The following MRPL34 variants were observed in gnomAD, a reference collection of about 807,000 sequenced individuals.
The protein encoded by MRPL34 is large ribosomal subunit protein bL34m.
A neutral mutation model predicts 6.7 loss-of-function variants in MRPL34; 8 were observed. That is an observed-to-expected ratio of 1.20 (90% CI 0.70 to 2.16). The LOEUF is 2.16. MRPL34 is among the 30% of genes most tolerant of loss of function. The pLI, the probability that MRPL34 is intolerant of heterozygous loss-of-function variation, is 0.00. For synonymous variants in MRPL34, 59 were observed against 55.1 expected (o/e 1.07, Z -0.31); for missense variants, 146 against 125.5 (o/e 1.16, Z -0.78).
upstream of MRPL34, among the ~76,000 whole-genome samples, chr19:17,300,056 C>A (rs537607218): frequency 6.6e-6 from 1 of 151,708 alleles, no homozygotes; most frequent in Non-Finnish European, 1.5e-5. Flanking sequence ...AGGTGCCCAC[C>A]ACCACACCCA....
chr19:17,301,062 G>A (rs138354638), upstream of MRPL34: 65 of 1,613,532 alleles, frequency 4.0e-5, no homozygotes, highest in African/African-American at 7.6e-4. Context: ...CCAGGGAACC[G>A]CCGACACCAT....
intron 1 of MRPL34, among the ~76,000 whole-genome samples, chr19:17,293,344 G>A (rs148142522): frequency 1.6e-3 from 239 of 151,950 alleles, no homozygotes; most frequent in African/African-American, 5.6e-3. Context: ...CGATCTGCCC[G>A]CCTCGGTCTC....
At chr19:17,302,536 G>A (rs1159402120), upstream of MRPL34, among the ~76,000 whole-genome samples, 1 of 152,208 alleles carries the variant, frequency 6.6e-6, no homozygotes, top group African/African-American at 2.4e-5. Context: ...GGCCCTAGGA[G>A]AGGGGGATGG....
At chr19:17,296,601 G>A (rs1337013473) in intron 1 of MRPL34, 1 of 152,096 alleles carries the variant, frequency 6.6e-6, no homozygotes, top group Non-Finnish European at 1.5e-5. Flanking sequence ...CAAAAGCAGG[G>A]GTCAACAAAC....
In MRPL34 at chr19:17,306,168, G is replaced by T; in HGVS notation, c.68G>T (p.Trp23Leu). The change falls in exon 2 of 2, where the codon TGG (tryptophan) becomes TTG (leucine). Residue 23 changes from tryptophan to leucine, a missense_variant and splice_region_variant. Transcript: ENST00000252602. ...SRSAALLGGR[W>L]LQPRAWLGFP... ...TCGCCGTCCCTCTACCCACGCAGGTGGCTCCAGCCCCGGGCCTGGCTGGGG... is the reference window on the plus strand; with the variant it reads ...TCGCCGTCCCTCTACCCACGCAGGTTGCTCCAGCCCCGGGCCTGGCTGGGG... The T allele has an allele frequency of 1.3e-6, 2 of 1,522,230 alleles. No homozygotes were observed. Among genetic ancestry groups the T allele is most frequent in the South Asian group, 1.2e-5 (1 of 80,846 alleles). 94.3% of individuals were successfully genotyped at this position (1,522,230 alleles called of 1,614,324 possible).
At chr19:17,304,481 CTACAGG>C (rs1057319239), upstream of MRPL34, among the ~76,000 whole-genome samples, 34 of 152,332 alleles carry the variant, frequency 2.2e-4, no homozygotes, top group African/African-American at 7.5e-4. Context: ...CTAAACGATG[CTACAGG>C]TAGGATGGGC....
At position 17,295,048 on chromosome 19, in the gene MRPL34, C is replaced by T. The variant is rs145227385; in HGVS notation, c.214+2194C>T. Reference sequence around the variant, plus strand: ...AAGCGATTCTCCTGCCTCAGTCTCCCGAGTAGCTGAGATTGCAGGCGCACA... The same window carrying T: ...AAGCGATTCTCCTGCCTCAGTCTCCTGAGTAGCTGAGATTGCAGGCGCACA... On this transcript the variant is annotated intron_variant, in intron 1 of 2. Coordinates refer to the MRPL34 transcript ENST00000595444. 5.3e-3 allele frequency among the ~76,000 whole-genome samples: 794 copies of T among 150,486 alleles called. 6 individuals carry two copies. Among genetic ancestry groups the T allele is most frequent in the African/African-American group, 0.018 (732 of 40,774 alleles).
chr19:17,301,024 A>T, upstream of MRPL34: 1 of 1,613,486 alleles, frequency 6.2e-7, no homozygotes, highest in Non-Finnish European at 8.5e-7. Flanking sequence ...TAGGCGCACA[A>T]AGAAGTCCAG....
upstream of MRPL34, chr19:17,305,626 T>C (rs1010970215): frequency 1.9e-6 from 1 of 522,616 alleles, no homozygotes; most frequent in Non-Finnish European, 3.5e-6. Flanking sequence ...CCGCGGGAGA[T>C]AATGCCTTGT....
chr19:17,305,200 A>T (rs1174527920), upstream of MRPL34, among the ~76,000 whole-genome samples: 1 of 146,574 alleles, frequency 6.8e-6, no homozygotes, highest in Non-Finnish European at 1.5e-5. Flanking sequence ...GTGTGTGAGT[A>T]GGGGAGGGGT....
chr19:17,301,094 C>T (rs778529369), upstream of MRPL34: 18 of 1,613,424 alleles, frequency 1.1e-5, no homozygotes, highest in Non-Finnish European at 1.4e-5. Context: ...AGCACCACGT[C>T]GGCCTGGGCG....
At chr19:17,303,194 A>C (rs985450668), upstream of MRPL34, 4 of 152,332 alleles carry the variant, frequency 2.6e-5, no homozygotes, top group Middle Eastern at 3.4e-3. Context: ...TCCGAAGTGG[A>C]GGCCCCGGGG....
intron 1 of MRPL34, chr19:17,294,923 G>C: frequency 6.5e-6 from 10 of 1,529,758 alleles, no homozygotes; most frequent in Non-Finnish European, 8.9e-6. Context: ...ATTTTGTTTT[G>C]CTTTGTTTTT....
upstream of MRPL34, among the ~76,000 whole-genome samples, chr19:17,300,391 C>G (rs1259283389): frequency 6.6e-6 from 1 of 151,910 alleles, no homozygotes; most frequent in Non-Finnish European, 1.5e-5. Flanking sequence ...TTTTGTAGAG[C>G]TAGGGGGTTC....
At chr19:17,300,337 G>C (rs2074111786), upstream of MRPL34, among the ~76,000 whole-genome samples, 1 of 151,526 alleles carries the variant, frequency 6.6e-6, no homozygotes, top group Non-Finnish European at 1.5e-5. Context: ...TTAAGTAGGT[G>C]GAACTATATG....
At chr19:17,301,627 G>A, upstream of MRPL34, 1 of 1,530,970 alleles carries the variant, frequency 6.5e-7, no homozygotes, top group Non-Finnish European at 8.8e-7. Flanking sequence ...GGTGTGTCCT[G>A]TGAGTGAGGA....
At chr19:17,294,815 C>T (rs1311246620) in intron 1 of MRPL34, 2 of 1,614,176 alleles carry the variant, frequency 1.2e-6, no homozygotes, top group Non-Finnish European at 1.7e-6. Context: ...GGTCTGGGTA[C>T]TCATGTGCCA....
chr19:17,306,463 G>C lies in MRPL34; in HGVS notation c.*84G>C. 1 of 1,319,542 alleles carries C rather than the reference G, an allele frequency of 7.6e-7. No individual in the cohort carries two copies. The highest frequency in any genetic ancestry group is 1.0e-6 in the Non-Finnish European group (1 of 979,202). 81.7% of individuals were successfully genotyped at this position (1,319,542 alleles called of 1,614,324 possible). A position where few individuals can be genotyped will look rare whatever the true frequency, so the allele number is the denominator to read the frequency against. Reference sequence around the variant, plus strand: ...CCTGGCGCTATTTTTGCAGGGAGCTGGGGAGCAGGAACGCCTCGGACCTGA... The same window carrying C: ...CCTGGCGCTATTTTTGCAGGGAGCTCGGGAGCAGGAACGCCTCGGACCTGA... On this transcript the variant is annotated 3_prime_UTR_variant, in exon 2 of 2. Coordinates refer to ENST00000252602, the MANE Select transcript of MRPL34 (RefSeq NM_023937.4).
upstream of MRPL34, chr19:17,301,398 G>T (rs147441347): frequency 5.0e-6 from 8 of 1,611,746 alleles, no homozygotes; most frequent in South Asian, 5.5e-5. Flanking sequence ...GGACCAAGCC[G>T]GAGAGGTCCC....
Sources: gnomAD v4.1 joint callset for allele counts (sites outside exome capture counted in the v4.1 genomes callset) on GRCh38, gnomAD v4.1.1 for gene constraint, MANE v1.5 for transcripts, NCBI Gene and HGNC (gene_info 2026-07-23, HGNC 2026-07-21) for gene names.